The following SDK1 variants were observed in gnomAD, a reference collection of about 807,000 sequenced individuals.
SDK1 encodes protein sidekick-1.
In SDK1, 157 loss-of-function variants were observed where a neutral mutation model predicts 245.5. The observed-to-expected ratio is 0.64, with a 90% CI of 0.56 to 0.73. The LOEUF is 0.73. SDK1 is among the 30% of genes least tolerant of loss of function. SDK1 has a pLI of 0.00. For synonymous variants in SDK1, 1,647 were observed against 1,278.5 expected (o/e 1.29, Z -6.15); for missense variants, 3,583 against 3,002.3 (o/e 1.19, Z -4.52).
intron 3 of SDK1, among the ~76,000 whole-genome samples, chr7:3,641,001 A>G (rs1402547040): frequency 2.6e-5 from 4 of 151,196 alleles, no homozygotes; most frequent in African/African-American, 7.3e-5. Context: ...TTTTTTTTTA[A>G]TCTTTCTTTT....
At chr7:3,342,302 AAGTT>A (rs1351705863) in intron 1 of SDK1, among the ~76,000 whole-genome samples, 1 of 152,164 alleles carries the variant, frequency 6.6e-6, no homozygotes, top group African/African-American at 2.4e-5. Context: ...AAAAAGGAGA[AAGTT>A]AGCCAGGTGC....
chr7:3,375,800 G>C (rs1415187530), intron 1 of SDK1, among the ~76,000 whole-genome samples: 1 of 152,182 alleles, frequency 6.6e-6, no homozygotes, highest in African/African-American at 2.4e-5. Flanking sequence ...CATCTTGCCT[G>C]CAACCTCATG....
chr7:3,536,150 G>A (rs1778879253), intron 1 of SDK1, among the ~76,000 whole-genome samples: 2 of 151,560 alleles, frequency 1.3e-5, no homozygotes, highest in Admixed American at 1.3e-4. Context: ...TCCGCCTCCT[G>A]GGTCCACACC....
At position 3,610,280 on chromosome 7, in the gene SDK1, G is replaced by C. The variant is rs1229010742; in HGVS notation, c.299-8800G>C. Among the ~76,000 whole-genome samples the C allele has an allele frequency of 3.2e-4, 48 of 152,184 alleles. 1 individual carries two copies. Among genetic ancestry groups the C allele is most frequent in the Non-Finnish European group, 7.3e-5 (5 of 68,036 alleles). ...AAGCAGGAGAAGGTAAATCATATTT[G>C]AGATTCTTTTCTTGGACCTTTCAGT... is the stretch of plus-strand genomic sequence containing the variant. On this transcript the variant is annotated intron_variant, in intron 1 of 44. Transcript: ENST00000404826.
chr7:4,214,301 G>C (rs543609288), intron 38 of SDK1, among the ~76,000 whole-genome samples: 6 of 152,186 alleles, frequency 3.9e-5, no homozygotes, highest in Non-Finnish European at 7.3e-5. Context: ...TTATATTCTA[G>C]ACAAACCGCT....
At chr7:3,687,865 T>G (rs1240234416) in intron 4 of SDK1, among the ~76,000 whole-genome samples, 1 of 152,210 alleles carries the variant, frequency 6.6e-6, no homozygotes, top group Admixed American at 6.5e-5. Flanking sequence ...CTGTCGTCAT[T>G]GCAGGAACCT....
intron 2 of SDK1, among the ~76,000 whole-genome samples, chr7:3,634,867 G>C (rs908621291): frequency 6.6e-6 from 1 of 152,136 alleles, no homozygotes; most frequent in Non-Finnish European, 1.5e-5. Flanking sequence ...TTGGGCGTTA[G>C]TACGGAGGAT....
At chr7:3,802,740 C>A (rs956589093) in intron 4 of SDK1, among the ~76,000 whole-genome samples, 1 of 152,172 alleles carries the variant, frequency 6.6e-6, no homozygotes, top group Non-Finnish European at 1.5e-5. Flanking sequence ...CTTTTCCCCC[C>A]ACTTAACCTA....
At chr7:3,951,973 A>T in intron 7 of SDK1, 53 bp downstream of exon 7, 1 of 1,496,560 alleles carries the variant, frequency 6.7e-7, no homozygotes, top group Non-Finnish European at 9.1e-7. Context: ...AGCATCCGAC[A>T]CTGACTCTTC....
rs138382114 is a variant in SDK1 at position 3,425,530 on chromosome 7, G to A, written c.298+123646G>A. Among the ~76,000 whole-genome samples the A allele has an allele frequency of 3.8e-3, 584 of 152,214 alleles. 6 individuals are homozygous for A. The highest frequency in any genetic ancestry group is 0.013 in the Admixed American group (205 of 15,292). ...TGTTAGATACTTTAGAATTCATCTA[G>A]ACTTCTCACAGACCTCGATAAATAA... On this transcript the variant is annotated intron_variant, in intron 1 of 44. Transcript: ENST00000404826.
chr7:3,385,391 T>C (rs1781585839), intron 1 of SDK1, among the ~76,000 whole-genome samples: 1 of 152,190 alleles, frequency 6.6e-6, no homozygotes, highest in African/African-American at 2.4e-5. Flanking sequence ...AATTCCCATT[T>C]TTTGGTGAAG....
intron 35 of SDK1, among the ~76,000 whole-genome samples, chr7:4,202,683 T>G (rs1295640955): frequency 1.3e-5 from 2 of 152,192 alleles, no homozygotes. Context: ...CAGAGTTAAT[T>G]CCTACAGCTC....
intron 1 of SDK1, among the ~76,000 whole-genome samples, chr7:3,370,243 A>G (rs796371129): frequency 2.6e-5 from 4 of 152,296 alleles, no homozygotes; most frequent in African/African-American, 9.6e-5. Flanking sequence ...CGGCAGGGGA[A>G]TATCAGACAA....
chr7:4,027,832 T>C (rs912125209), intron 17 of SDK1, among the ~76,000 whole-genome samples: 2 of 152,066 alleles, frequency 1.3e-5, no homozygotes, highest in African/African-American at 4.8e-5. Flanking sequence ...GGGCTTTAAC[T>C]GGCAGCAAAC....
intron 43 of SDK1, among the ~76,000 whole-genome samples, chr7:4,242,758 A>G (rs1201490962): frequency 6.6e-6 from 1 of 152,210 alleles, no homozygotes; most frequent in East Asian, 1.9e-4. Context: ...AGACCCAGAC[A>G]GACCCCAGGG....
At chr7:3,484,795 C>T (rs1206919925) in intron 1 of SDK1, among the ~76,000 whole-genome samples, 1 of 152,152 alleles carries the variant, frequency 6.6e-6, no homozygotes, top group African/African-American at 2.4e-5. Flanking sequence ...CGCTTAATGT[C>T]CTCCAGTTAT....
chr7:3,675,917 G>C (rs1021918840), intron 4 of SDK1, among the ~76,000 whole-genome samples: 1 of 152,070 alleles, frequency 6.6e-6, no homozygotes, highest in Admixed American at 6.6e-5. Context: ...CCTTTTATAC[G>C]TTCCTTATAT....
intron 1 of SDK1, among the ~76,000 whole-genome samples, chr7:3,367,710 G>A (rs1209551199): frequency 6.6e-6 from 1 of 152,186 alleles, no homozygotes; most frequent in Non-Finnish European, 1.5e-5. Context: ...TTAACTGTCT[G>A]CTTCCTTGCT....
intron 2 of SDK1, among the ~76,000 whole-genome samples, chr7:3,624,605 CACA>C (rs894698054): frequency 2.6e-5 from 4 of 152,108 alleles, no homozygotes; most frequent in Non-Finnish European, 5.9e-5. Flanking sequence ...AACAAATTTT[CACA>C]ACATTAAGTG....
Sources: allele counts gnomAD v4.1 joint callset (sites outside exome capture counted in the v4.1 genomes callset), GRCh38; gene constraint gnomAD v4.1.1; transcripts MANE v1.5; gene names NCBI Gene and HGNC (gene_info 2026-07-23, HGNC 2026-07-21).